OR8D4: variants seen among roughly 807,000 people sequenced by gnomAD.
OR8D4 encodes olfactory receptor family 8 subfamily D member 4, also known as olfactory receptor 8D4.
For synonymous variants in OR8D4, 141 were observed against 134.8 expected, an observed-to-expected ratio of 1.05 and a Z score of -0.32; for missense variants, 359 against 372.6, an observed-to-expected ratio of 0.96 and a Z score of 0.30.
Position 123,903,064 on chromosome 11 carries a change from C to G in OR8D4, c.-16+807C>G, listed in dbSNP as rs181363926. ...ATTTTTTTTTAATGGGTGGTTATAT[C>G]TGTACTGAATATGTACAGACATTTT... On this transcript the variant is annotated intron_variant, in intron 1 of 1. Transcript: ENST00000641687. Among the ~76,000 whole-genome samples, 308 of 151,772 alleles carry G rather than the reference C, an allele frequency of 2.0e-3. 1 individual carries two copies. The highest frequency in any genetic ancestry group is 3.5e-3 in the Admixed American group (54 of 15,214).
In OR8D4 at chr11:123,906,581, G is replaced by C. The variant is rs1419345983; in HGVS notation, c.150G>C (p.Arg50Ser). ...VGNLSMISII[R>S]LNRQLHTPMY... is the part of the protein sequence containing the mutation. ...ACCTCAGCATGATCTCAATTATTAG[G>C]CTGAATCGTCAACTTCATACCCCCA... The change falls in exon 2 of 2, where the codon AGG (arginine) becomes AGC (serine). Residue 50 changes from arginine to serine, a missense_variant. Coordinates refer to ENST00000641687, the MANE Select transcript of OR8D4 (RefSeq NM_001005197.2). 3.1e-6 allele frequency: 5 copies of C among 1,613,772 alleles called. No individual in the cohort carries two copies. The highest frequency in any genetic ancestry group is 4.2e-6 in the Non-Finnish European group (5 of 1,179,874).
At chr11:123,904,673 AGC>A (rs1863186239) in intron 1 of OR8D4, among the ~76,000 whole-genome samples, 1 of 152,174 alleles carries the variant, frequency 6.6e-6, no homozygotes, top group Non-Finnish European at 1.5e-5. Context: ...AGAATGGGGA[AGC>A]CTGCTCAGAG....
Position 123,908,125 on chromosome 11 carries a change from G to A in OR8D4, c.*749G>A, listed in dbSNP as rs906652552. The A allele has an allele frequency of 3.9e-5, 6 of 152,144 alleles. No homozygotes were observed. Among genetic ancestry groups the A allele is most frequent in the African/African-American group, 7.2e-5 (3 of 41,440 alleles). 9.4% of individuals were successfully genotyped at this position (152,144 alleles called of 1,614,324 possible). On this transcript the variant is annotated 3_prime_UTR_variant, in exon 2 of 2. Coordinates refer to ENST00000641687, the MANE Select transcript of OR8D4 (RefSeq NM_001005197.2). ...AAAGGGCTTCTTGAAAGCCAGTATTGTCTTACAGTGTAATGCAATGAAGAA... is the reference window on the plus strand; with the variant it reads ...AAAGGGCTTCTTGAAAGCCAGTATTATCTTACAGTGTAATGCAATGAAGAA...
intron 1 of OR8D4, among the ~76,000 whole-genome samples, chr11:123,905,229 G>A (rs1005631909): frequency 1.3e-5 from 2 of 152,100 alleles, no homozygotes; most frequent in Admixed American, 6.6e-5. Context: ...TCAAGTGTAC[G>A]AATTAATTTC....
Position 123,907,557 on chromosome 11 carries a change from C to T in OR8D4, c.*181C>T. ...GTCCGGTGTTCAAGACCAGCCTGGCCAAGATGATGAAACCCCATCACTATT... is the reference window on the plus strand; with the variant it reads ...GTCCGGTGTTCAAGACCAGCCTGGCTAAGATGATGAAACCCCATCACTATT... On this transcript the variant is annotated 3_prime_UTR_variant, in exon 2 of 2. Coordinates refer to ENST00000641687, the MANE Select transcript of OR8D4 (RefSeq NM_001005197.2). 2.9e-6 allele frequency: 1 copy of T among 342,876 alleles called. No homozygotes were observed. Among genetic ancestry groups the T allele is most frequent in the South Asian group, 7.2e-5 (1 of 13,800 alleles). The allele number at this position is 342,876 out of a possible 1,614,324, so 21.2% of individuals were successfully genotyped here.
intron 1 of OR8D4, among the ~76,000 whole-genome samples, chr11:123,904,439 A>G (rs926966008): frequency 1.8e-4 from 27 of 152,308 alleles, no homozygotes; most frequent in African/African-American, 6.0e-4. Flanking sequence ...CCATGATATT[A>G]AAGACAAAAA....
chr11:123,904,859 G>C (rs921634740), intron 1 of OR8D4, among the ~76,000 whole-genome samples: 2 of 152,222 alleles, frequency 1.3e-5, no homozygotes, highest in Non-Finnish European at 2.9e-5. Flanking sequence ...TAAATAGCCA[G>C]GTAGCTGGGC....
In OR8D4 at chr11:123,906,414, C is replaced by T. The variant is rs2137492992; in HGVS notation, c.-15-3C>T. The T allele has an allele frequency of 6.6e-7, 1 of 1,516,442 alleles. No individual in the cohort carries two copies. The highest frequency in any genetic ancestry group is 2.3e-5 in the East Asian group (1 of 44,008). 93.9% of individuals were successfully genotyped at this position (1,516,442 alleles called of 1,614,324 possible). A position where few individuals can be genotyped will look rare whatever the true frequency, so the allele number is the denominator to read the frequency against. The stretch of plus-strand genomic sequence containing the variant: ...TTTGACTTTTTCTCTCTCATCTCCA[C>T]AGATTTCTCAGAGAAGAATGGGTGT... On this transcript the variant is annotated splice_region_variant and splice_polypyrimidine_tract_variant and intron_variant, in intron 1 of 1. Coordinates refer to ENST00000641687, the MANE Select transcript of OR8D4 (RefSeq NM_001005197.2).
In OR8D4 at chr11:123,902,191, C is replaced by T. The variant is rs1863166145; in HGVS notation, c.-82C>T. On this transcript the variant is annotated 5_prime_UTR_variant, in exon 1 of 2. Transcript: ENST00000641687. The stretch of plus-strand genomic sequence containing the variant: ...AGAAGAAGGTAAAATCAATCCATCT[C>T]TACTCCTGAAGTGATGAGGTTAGGA... 1 of 152,132 alleles carries T rather than the reference C, an allele frequency of 6.6e-6. No homozygotes were observed. The highest frequency in any genetic ancestry group is 1.5e-5 in the Non-Finnish European group (1 of 68,026). 9.4% of individuals were successfully genotyped at this position (152,132 alleles called of 1,614,324 possible).
At position 123,908,189 on chromosome 11, in the gene OR8D4, T is replaced by C. The variant is rs1415198125; in HGVS notation, c.*813T>C. On this transcript the variant is annotated 3_prime_UTR_variant, in exon 2 of 2. Transcript: ENST00000641687. Reference sequence around the variant, plus strand: ...ACTAAGCTAATATGGTCTCAGTATTTGGCAGCTGTTGATCCAAAAATAAGA... The same window carrying C: ...ACTAAGCTAATATGGTCTCAGTATTCGGCAGCTGTTGATCCAAAAATAAGA... The C allele has an allele frequency of 6.6e-6, 1 of 152,216 alleles. No individual in the cohort carries two copies. Among genetic ancestry groups the C allele is most frequent in the Admixed American group, 6.5e-5 (1 of 15,282 alleles). The allele number at this position is 152,216 out of a possible 1,614,324, so 9.4% of individuals were successfully genotyped here.
intron 1 of OR8D4, among the ~76,000 whole-genome samples, chr11:123,904,710 C>T (rs1413832999): frequency 6.6e-6 from 1 of 152,110 alleles, no homozygotes; most frequent in Non-Finnish European, 1.5e-5. Flanking sequence ...GCTCATGCAG[C>T]TTATTTGTTT....
intron 1 of OR8D4, among the ~76,000 whole-genome samples, chr11:123,903,179 A>G (rs1483177985): frequency 8.5e-6 from 1 of 117,690 alleles, no homozygotes; most frequent in African/African-American, 3.5e-5. Flanking sequence ...GAGATGATTT[A>G]AAGTATACAA....
intron 1 of OR8D4, among the ~76,000 whole-genome samples, chr11:123,904,028 G>A (rs926468480): frequency 1.3e-5 from 2 of 152,040 alleles, no homozygotes; most frequent in African/African-American, 2.4e-5. Flanking sequence ...TGAAAATAGC[G>A]CCTCTCAAAT....
At chr11:123,906,155 T>G in intron 1 of OR8D4, 2 of 331,392 alleles carry the variant, frequency 6.0e-6, no homozygotes, top group Admixed American at 4.6e-5. Flanking sequence ...GTTTTAAGCA[T>G]TAGTTTTGTC....
chr11:123,904,070 C>T lies in OR8D4; in HGVS notation c.-16+1813C>T, dbSNP rs140516739. Among the ~76,000 whole-genome samples, 5 of 152,236 alleles carry T rather than the reference C, an allele frequency of 3.3e-5. No individual in the cohort carries two copies. In the East Asian group the frequency reaches 9.7e-4, roughly 29 times the overall value. On this transcript the variant is annotated intron_variant, in intron 1 of 1. Transcript: ENST00000641687. Reference sequence around the variant, plus strand: ...GCACTCACAAATCATGTGAGAATCCCACTAAAATGTAGATCCTCACTCAGC... The same window carrying T: ...GCACTCACAAATCATGTGAGAATCCTACTAAAATGTAGATCCTCACTCAGC...
In OR8D4 at chr11:123,907,190, G is replaced by C. The variant is rs199888408; in HGVS notation, c.759G>C (p.Gly253=). The part of the protein sequence containing the change: ...SHLTAVLMFY[G]SLMSMYLKPA... ...TGACAGCTGTTCTTATGTTTTATGG[G>C]TCTCTGATGTCCATGTATCTCAAAC... is the stretch of plus-strand genomic sequence containing the variant. The change falls in exon 2 of 2, where the codon GGG becomes GGC. Residue 253 remains glycine, a synonymous_variant. Transcript: ENST00000641687. 2 of 1,613,810 alleles carry C rather than the reference G, an allele frequency of 1.2e-6. No individual in the cohort carries two copies. The highest frequency in any genetic ancestry group is 4.5e-5 in the East Asian group (2 of 44,832).
chr11:123,906,551 G>A lies in OR8D4; in HGVS notation c.120G>A (p.Val40=). Residue 40 remains valine, a synonymous_variant, in exon 2 of 2, where the codon GTG becomes GTA. Transcript: ENST00000641687. The part of the protein sequence containing the change: ...LFLGIYTVTV[V]GNLSMISIIR... ...TAGGAATTTACACAGTTACTGTGGT[G>A]GGAAACCTCAGCATGATCTCAATTA... is the stretch of plus-strand genomic sequence containing the variant. The A allele has an allele frequency of 6.2e-7, 1 of 1,613,732 alleles. No individual in the cohort carries two copies. The highest frequency in any genetic ancestry group is 1.6e-4 in the Middle Eastern group (1 of 6,062).
intron 1 of OR8D4, among the ~76,000 whole-genome samples, chr11:123,904,206 G>T (rs940863034): frequency 6.6e-6 from 1 of 152,130 alleles, no homozygotes; most frequent in Non-Finnish European, 1.5e-5. Context: ...CCACAGAAAT[G>T]TTTTAGAAAG....
chr11:123,903,557 T>G (rs1029514846), intron 1 of OR8D4, among the ~76,000 whole-genome samples: 12 of 152,158 alleles, frequency 7.9e-5, no homozygotes, highest in Non-Finnish European at 1.6e-4. Context: ...AAAAACCACC[T>G]GAGTCCTGAA....
Sources: allele counts gnomAD v4.1 joint callset (sites outside exome capture counted in the v4.1 genomes callset), GRCh38; gene constraint gnomAD v4.1.1; transcripts MANE v1.5; gene names NCBI Gene and HGNC (gene_info 2026-07-23, HGNC 2026-07-21).